Variants in KANSL1 observed in about 807,000 individuals in gnomAD.
KANSL1 encodes the protein MLL1/MLL complex subunit KANSL1.
Under a neutral mutation model 103.6 loss-of-function variants are expected in KANSL1, and 22 were observed. The ratio of observed to expected loss-of-function variants is 0.21; its 90% CI spans 0.15 to 0.30. The LOEUF (loss-of-function observed/expected upper bound fraction) is 0.30, where lower values mean the gene tolerates loss of function less well. Among genes scored for constraint, KANSL1 ranks in the 10% least tolerant of loss-of-function variants. The pLI is 1.00. For synonymous variants in KANSL1, 600 were observed against 527.6 expected (o/e 1.14, Z -1.88); for missense variants, 1,337 against 1,399.8 (o/e 0.96, Z 0.72).
intron 7 of KANSL1, chr17:46,046,144 C>G (rs906377177): frequency 1.3e-5 from 2 of 152,176 alleles, no homozygotes; most frequent in African/African-American, 4.8e-5. Context: ...TGGGTCTGAA[C>G]TGTGAAGGCA....
At chr17:46,165,187 G>C (rs1249872198) in intron 2 of KANSL1, among the ~76,000 whole-genome samples, 1 of 152,172 alleles carries the variant, frequency 6.6e-6, no homozygotes, top group Non-Finnish European at 1.5e-5. Flanking sequence ...AACATCATCT[G>C]TGTATTCTTA....
intron 4 of KANSL1, among the ~76,000 whole-genome samples, chr17:46,070,054 A>G (rs192872073): frequency 1.4e-3 from 211 of 152,360 alleles, no homozygotes; most frequent in African/African-American, 4.8e-3. Context: ...GGTATTAAGC[A>G]GCAAGAGCTA....
At chr17:46,113,281 T>C (rs2042901798) in intron 2 of KANSL1, among the ~76,000 whole-genome samples, 1 of 152,234 alleles carries the variant, frequency 6.6e-6, no homozygotes, top group Admixed American at 6.5e-5. Context: ...AAGGTCAATC[T>C]TGCCTTTTAG....
At chr17:46,167,086 T>C (rs1306654160) in intron 2 of KANSL1, among the ~76,000 whole-genome samples, 1 of 150,412 alleles carries the variant, frequency 6.6e-6, no homozygotes, top group East Asian at 1.9e-4. Context: ...GAGAGAGACC[T>C]ACATAATGTG....
chr17:46,074,466 T>C (rs979751466), intron 4 of KANSL1, among the ~76,000 whole-genome samples: 13 of 152,076 alleles, frequency 8.5e-5, no homozygotes, highest in Admixed American at 2.0e-4. Flanking sequence ...ACAGCAATAA[T>C]TGCTGTAGGA....
At chr17:46,162,739 C>T (rs545573499) in intron 2 of KANSL1, among the ~76,000 whole-genome samples, 1 of 152,352 alleles carries the variant, frequency 6.6e-6, no homozygotes, top group East Asian at 1.9e-4. Context: ...AAATACAAAT[C>T]ATGTAAGCCA....
intron 2 of KANSL1, among the ~76,000 whole-genome samples, chr17:46,133,628 G>C (rs978156872): frequency 1.1e-4 from 17 of 152,154 alleles, no homozygotes; most frequent in African/African-American, 3.6e-4. Flanking sequence ...AGTGCCTCCA[G>C]ATTTATAAAA....
chr17:46,105,653 G>A (rs2042502479), intron 2 of KANSL1, among the ~76,000 whole-genome samples: 1 of 139,244 alleles, frequency 7.2e-6, no homozygotes, highest in African/African-American at 2.5e-5. Flanking sequence ...ATGATCACTC[G>A]AGCTCAGGAC....
Position 46,166,549 on chromosome 17 carries a change from AC to A in KANSL1, c.1289+4305del, listed in dbSNP as rs550548781. On this transcript the variant is annotated intron_variant, in intron 2 of 14. Transcript: ENST00000432791. The stretch of plus-strand genomic sequence containing the variant: ...AAAATTCCTGAGGGTGAGAAAACTC[AC>A]TGCAATCAAGACCATCCAAAATTCA... Among the ~76,000 whole-genome samples the A allele has an allele frequency of 1.2e-4, 19 of 152,268 alleles. No individual in the cohort carries two copies. The South Asian group carries it at 3.9e-3, about 32-fold the overall frequency.
chr17:46,050,981 T>C (rs1220823760), intron 6 of KANSL1, among the ~76,000 whole-genome samples: 1 of 152,238 alleles, frequency 6.6e-6, no homozygotes, highest in Non-Finnish European at 1.5e-5. Context: ...TACCTAGGTA[T>C]CAAACTTCTG....
intron 1 of KANSL1, among the ~76,000 whole-genome samples, chr17:46,200,343 C>G (rs2047757707): frequency 6.6e-6 from 1 of 152,218 alleles, no homozygotes; most frequent in African/African-American, 2.4e-5. Context: ...TTCAAGGCAG[C>G]TGTGAGCAGC....
At chr17:46,051,884 T>C (rs1024313829) in intron 6 of KANSL1, among the ~76,000 whole-genome samples, 16 of 152,348 alleles carry the variant, frequency 1.1e-4, no homozygotes, top group Admixed American at 9.8e-4. Context: ...CGACATTCTA[T>C]TGTAACCACA....
In KANSL1 at chr17:46,205,680, C is replaced by CAAAAAAAA. The variant is rs56154541; in HGVS notation, c.-90+17983_-90+17990dup. On this transcript the variant is annotated intron_variant, in intron 1 of 14. Coordinates refer to the KANSL1 transcript ENST00000572904. The stretch of plus-strand genomic sequence containing the variant: ...TAGGTGACAGAATGAGACACTGTCT[C>CAAAAAAAA]AAAAAAAAAAAAAAAAAAGACTTAG... 6.3e-3 allele frequency among the ~76,000 whole-genome samples: 589 copies of CAAAAAAAA among 92,776 alleles called. 1 individual carries two copies. The highest frequency in any genetic ancestry group is 0.021 in the Middle Eastern group (3 of 146). The allele number at this position is 92,776 out of a possible 152,430, so 60.9% of individuals were successfully genotyped here.
chr17:46,109,102 A>C (rs554648946), intron 2 of KANSL1, among the ~76,000 whole-genome samples: 1 of 152,236 alleles, frequency 6.6e-6, no homozygotes, highest in East Asian at 1.9e-4. Flanking sequence ...GATGTGCACC[A>C]CCACGCCCAG....
chr17:46,102,237 CAAATG>C (rs2042353100), intron 2 of KANSL1, among the ~76,000 whole-genome samples: 1 of 152,080 alleles, frequency 6.6e-6, no homozygotes, highest in Admixed American at 6.6e-5. Flanking sequence ...TAATGTGGAA[CAAATG>C]TACCAGAGCC....
At chr17:46,077,500 T>G (rs1211006797) in intron 4 of KANSL1, among the ~76,000 whole-genome samples, 1 of 152,248 alleles carries the variant, frequency 6.6e-6, no homozygotes, top group Non-Finnish European at 1.5e-5. Context: ...CCTTTGATTT[T>G]CACGATTTTT....
At chr17:46,134,989 A>T (rs2044054678) in intron 2 of KANSL1, among the ~76,000 whole-genome samples, 1 of 152,188 alleles carries the variant, frequency 6.6e-6, no homozygotes, top group Admixed American at 6.5e-5. Flanking sequence ...TTGGAGTATG[A>T]CATCTTCCAA....
intron 13 of KANSL1, among the ~76,000 whole-genome samples, chr17:46,032,805 A>C (rs2077046530): frequency 6.6e-6 from 1 of 152,164 alleles, no homozygotes; most frequent in Non-Finnish European, 1.5e-5. Context: ...TGACCCCCCA[A>C]CTGTCTTCCA....
chr17:46,196,067 C>T, upstream of KANSL1: 1 of 303,138 alleles, frequency 3.3e-6, no homozygotes, highest in South Asian at 2.6e-5. Flanking sequence ...CAGAGTGAGA[C>T]CCTATCTCTA....
Sources: allele counts gnomAD v4.1 joint callset (sites outside exome capture counted in the v4.1 genomes callset), GRCh38; gene constraint gnomAD v4.1.1; transcripts MANE v1.5; gene names NCBI Gene and HGNC (gene_info 2026-07-23, HGNC 2026-07-21).